Variants in FGD5 observed in about 807,000 individuals in gnomAD.
FGD5 encodes the protein FYVE, RhoGEF and PH domain-containing protein 5.
A neutral mutation model predicts 133.4 loss-of-function variants in FGD5; 28 were observed. The observed-to-expected ratio is 0.21, with a 90% CI of 0.16 to 0.29. FGD5 has a LOEUF of 0.29. Among genes scored for constraint, FGD5 ranks in the 10% least tolerant of loss-of-function variants. FGD5 has a pLI of 1.00. For missense variants in FGD5, 1,858 were observed against 1,895.2 expected (o/e 0.98, Z 0.36); for synonymous variants, 810 against 776.5 (o/e 1.04, Z -0.72).
chr3:14,816,304 C>A (rs2036367633), upstream of FGD5, among the ~76,000 whole-genome samples: 1 of 152,150 alleles, frequency 6.6e-6, no homozygotes, highest in African/African-American at 2.4e-5. Context: ...TAATTTCGTG[C>A]CAATGCCTGC....
At chr3:14,853,432 T>C (rs1420005721) in intron 1 of FGD5, among the ~76,000 whole-genome samples, 1 of 151,966 alleles carries the variant, frequency 6.6e-6, no homozygotes, top group Non-Finnish European at 1.5e-5. Flanking sequence ...TTTCAAACTT[T>C]CCAGCTCCCA....
chr3:14,865,421 G>A (rs1005871026), intron 2 of FGD5, among the ~76,000 whole-genome samples: 2 of 152,226 alleles, frequency 1.3e-5, no homozygotes, highest in African/African-American at 4.8e-5. Context: ...TCTCTGGACT[G>A]TGTTTTCATA....
intron 11 of FGD5, 50 bp downstream of exon 11, chr3:14,910,979 G>A (rs1440080266): frequency 6.5e-7 from 1 of 1,543,016 alleles, no homozygotes; most frequent in African/African-American, 1.4e-5. Context: ...AGTTCTATGA[G>A]GTTTTCTAGG....
intron 4 of FGD5, among the ~76,000 whole-genome samples, chr3:14,890,709 A>G (rs1331764787): frequency 6.6e-6 from 1 of 152,186 alleles, no homozygotes; most frequent in Non-Finnish European, 1.5e-5. Context: ...CATCCTGCCC[A>G]TTGGGACTGA....
intron 13 of FGD5, among the ~76,000 whole-genome samples, chr3:14,921,049 C>T (rs149269119): frequency 1.3e-3 from 195 of 152,126 alleles, no homozygotes; most frequent in Middle Eastern, 3.4e-3. Context: ...AGGGTGGTGA[C>T]GATCCACACG....
intron 7 of FGD5, among the ~76,000 whole-genome samples, chr3:14,900,200 G>A (rs1487343148): frequency 2.0e-5 from 3 of 152,238 alleles, no homozygotes; most frequent in African/African-American, 7.2e-5. Context: ...GATAAGTGAG[G>A]GACAAGCAGC....
chr3:14,926,813 G>C (rs1351664213), intron 18 of FGD5, among the ~76,000 whole-genome samples: 1 of 152,020 alleles, frequency 6.6e-6, no homozygotes, highest in Admixed American at 6.6e-5. Context: ...CTATCTCCAT[G>C]CTTCACCAGC....
chr3:14,910,720 A>G (rs2038431765), intron 10 of FGD5, 141 bp from the exon 11 acceptor site: 1 of 644,348 alleles, frequency 1.6e-6, no homozygotes, highest in South Asian at 1.9e-5. Context: ...AGGCTTTATG[A>G]TTTAAGTTTC....
chr3:14,918,612 A>G (rs977758689), intron 12 of FGD5, 142 bp from the exon 13 acceptor site: 3 of 767,042 alleles, frequency 3.9e-6, no homozygotes, highest in East Asian at 2.7e-5. Context: ...CACAGCACCT[A>G]CCATCACAGA....
intron 11 of FGD5, among the ~76,000 whole-genome samples, chr3:14,914,124 G>C (rs542318791): frequency 6.6e-6 from 1 of 152,226 alleles, no homozygotes; most frequent in Non-Finnish European, 1.5e-5. Flanking sequence ...CTCTAATGGA[G>C]GGATACATGG....
chr3:14,810,775 G>C (rs1029409198), upstream of FGD5: 8 of 980,420 alleles, frequency 8.2e-6, no homozygotes, highest in Middle Eastern at 5.2e-4. Flanking sequence ...GCCGCGGAGG[G>C]AGGCGGTGTG....
At chr3:14,827,120 T>C (rs1179847196) in intron 1 of FGD5, among the ~76,000 whole-genome samples, 1 of 152,136 alleles carries the variant, frequency 6.6e-6, no homozygotes, top group African/African-American at 2.4e-5. Flanking sequence ...ATTTTCCAGG[T>C]GAGAAAACAG....
In FGD5 at chr3:14,820,418, A is replaced by G. The variant is rs755989277; in HGVS notation, c.1347A>G (p.Ala449=). 11 of 1,613,874 alleles carry G rather than the reference A, an allele frequency of 6.8e-6. No homozygotes were observed. Among genetic ancestry groups the G allele is most frequent in the African/African-American group, 2.7e-5 (2 of 74,934 alleles). The part of the protein sequence containing the change: ...QAAPGEGGQA[A]SDALGGYGSK... ...CCCCTGGAGAAGGAGGGCAGGCTGCATCGGACGCCCTGGGTGGTTATGGCT... is the reference window on the plus strand; with the variant it reads ...CCCCTGGAGAAGGAGGGCAGGCTGCGTCGGACGCCCTGGGTGGTTATGGCT... Residue 449 remains alanine, a synonymous_variant, in exon 1 of 20, where the codon GCA becomes GCG. Transcript: ENST00000285046.
At chr3:14,925,896 G>T (rs1039373856) in intron 17 of FGD5, among the ~76,000 whole-genome samples, 174 bp from the exon 18 acceptor site, 1 of 152,230 alleles carries the variant, frequency 6.6e-6, no homozygotes, top group African/African-American at 2.4e-5. Flanking sequence ...GTTTCTCAAA[G>T]CATGAAGCAC....
At chr3:14,845,134 C>G (rs938860067) in intron 1 of FGD5, among the ~76,000 whole-genome samples, 2 of 152,118 alleles carry the variant, frequency 1.3e-5, no homozygotes, top group African/African-American at 4.8e-5. Context: ...CTTCTGTCAC[C>G]TGTACATGCT....
chr3:14,834,090 T>TC (rs2036770689), intron 1 of FGD5, among the ~76,000 whole-genome samples: 1 of 152,232 alleles, frequency 6.6e-6, no homozygotes, highest in African/African-American at 2.4e-5. Flanking sequence ...TTTCATAAGT[T>TC]CAAGTTTTTA....
At chr3:14,881,925 G>A (rs930540081) in intron 4 of FGD5, among the ~76,000 whole-genome samples, 2 of 152,184 alleles carry the variant, frequency 1.3e-5, no homozygotes, top group Admixed American at 6.5e-5. Flanking sequence ...CATCAAGCCA[G>A]GCCTCTTGCT....
chr3:14,822,996 C>T (rs1007615981), intron 1 of FGD5, among the ~76,000 whole-genome samples: 1 of 152,144 alleles, frequency 6.6e-6, no homozygotes, highest in Non-Finnish European at 1.5e-5. Context: ...CTGGGTAAGG[C>T]GATTTATTTA....
intron 1 of FGD5, among the ~76,000 whole-genome samples, chr3:14,853,564 A>C (rs971822330): frequency 1.3e-5 from 2 of 149,564 alleles, no homozygotes; most frequent in African/African-American, 4.9e-5. Context: ...ATTTGCATGA[A>C]TCTCCACACC....
Sources: allele counts gnomAD v4.1 joint callset (sites outside exome capture counted in the v4.1 genomes callset), GRCh38; gene constraint gnomAD v4.1.1; transcripts MANE v1.5; gene names NCBI Gene and HGNC (gene_info 2026-07-23, HGNC 2026-07-21).